The following ROR2 variants were observed in gnomAD, a reference collection of about 807,000 sequenced individuals.
ROR2 encodes the protein tyrosine-protein kinase transmembrane receptor ROR2.
A neutral mutation model predicts 74.9 loss-of-function variants in ROR2; 33 were observed. The observed-to-expected ratio is 0.44, with a 90% CI of 0.33 to 0.59. ROR2 has a LOEUF of 0.59. ROR2 is among the 20% of genes least tolerant of loss of function. ROR2 has a pLI of 0.02. For synonymous variants in ROR2, 586 were observed against 558.7 expected, an observed-to-expected ratio of 1.05 and a Z score of -0.69; for missense variants, 1,216 against 1,313.8, an observed-to-expected ratio of 0.93 and a Z score of 1.15.
intron 1 of ROR2, among the ~76,000 whole-genome samples, chr9:91,888,466 A>G (rs773893569): frequency 6.6e-6 from 1 of 152,130 alleles, no homozygotes; most frequent in Non-Finnish European, 1.5e-5. Flanking sequence ...TGCAAGACTC[A>G]ATGAAGACAC....
intron 1 of ROR2, among the ~76,000 whole-genome samples, chr9:91,853,111 G>A (rs764225261): frequency 4.6e-5 from 7 of 152,226 alleles, no homozygotes; most frequent in Non-Finnish European, 7.3e-5. Flanking sequence ...ACTGGCTGGG[G>A]ACTGGGGCTG....
chr9:91,837,251 T>G (rs1456826856), intron 1 of ROR2, among the ~76,000 whole-genome samples: 1 of 152,196 alleles, frequency 6.6e-6, no homozygotes, highest in East Asian at 1.9e-4. Flanking sequence ...TTTTTGTATT[T>G]TTAGTACAGA....
At chr9:91,864,962 T>C (rs1193449327) in intron 1 of ROR2, among the ~76,000 whole-genome samples, 2 of 152,160 alleles carry the variant, frequency 1.3e-5, no homozygotes, top group Non-Finnish European at 2.9e-5. Context: ...CTTCTTCAAG[T>C]GGCAAGTTTA....
At chr9:91,853,426 G>A (rs1012841699) in intron 1 of ROR2, among the ~76,000 whole-genome samples, 1 of 152,296 alleles carries the variant, frequency 6.6e-6, no homozygotes, top group Non-Finnish European at 1.5e-5. Flanking sequence ...AGAAGGTCCC[G>A]GGAGGTGTGG....
At chr9:91,731,596 G>T (rs961442719) in intron 6 of ROR2, among the ~76,000 whole-genome samples, 1 of 152,212 alleles carries the variant, frequency 6.6e-6, no homozygotes, top group Admixed American at 6.5e-5. Flanking sequence ...TGGGGTTGGG[G>T]TGTGCATTTG....
chr9:91,948,564 C>A, intron 1 of ROR2: 1 of 962,712 alleles, frequency 1.0e-6, no homozygotes, highest in Non-Finnish European at 1.2e-6. Flanking sequence ...TAAACTAAAA[C>A]CCCCCCCCAG....
chr9:91,945,579 T>C (rs1797540250), intron 1 of ROR2, among the ~76,000 whole-genome samples: 1 of 152,346 alleles, frequency 6.6e-6, no homozygotes, highest in African/African-American at 2.4e-5. Context: ...CCAAGCTACT[T>C]AGTCGAATTA....
chr9:91,726,133 C>T (rs4073735), intron 8 of ROR2, among the ~76,000 whole-genome samples: 79,595 of 152,014 alleles, frequency 0.52, 21,938 homozygotes, highest in African/African-American at 0.7. Flanking sequence ...GAGCTATTCT[C>T]CTATCCTTCC....
chr9:91,916,355 G>A (rs1831134792), intron 1 of ROR2, among the ~76,000 whole-genome samples: 1 of 152,148 alleles, frequency 6.6e-6, no homozygotes. Flanking sequence ...CTTTATATTG[G>A]TTAATTCTTT....
intron 1 of ROR2, among the ~76,000 whole-genome samples, chr9:91,795,125 A>C (rs950743344): frequency 3.9e-5 from 6 of 152,302 alleles, no homozygotes; most frequent in Non-Finnish European, 7.4e-5. Flanking sequence ...CTCAATAGAA[A>C]AAAAAAAAAG....
intron 4 of ROR2, among the ~76,000 whole-genome samples, chr9:91,750,536 G>A (rs753855366): frequency 6.6e-5 from 10 of 152,194 alleles, no homozygotes; most frequent in East Asian, 1.9e-4. Context: ...GCACTTCAGC[G>A]CCACGCCTGG....
chr9:91,826,393 A>C (rs1828291113), intron 1 of ROR2, among the ~76,000 whole-genome samples: 1 of 152,184 alleles, frequency 6.6e-6, no homozygotes. Context: ...TGTTCCTTAA[A>C]AAACAACAAC....
chr9:91,812,369 C>T lies in ROR2; in HGVS notation c.98-36551G>A, dbSNP rs144702824. ...TTTTCCCAAGTAGGTAATCTTAAAA[C>T]AAATACATCCTCAGGCTCCTGCGCG... On this transcript the variant is annotated intron_variant, in intron 1 of 8. Transcript: ENST00000375708. Among the ~76,000 whole-genome samples, 288 of 152,016 alleles carry T rather than the reference C, an allele frequency of 1.9e-3. 3 individuals are homozygous for T. The highest frequency in any genetic ancestry group is 6.2e-3 in the African/African-American group (258 of 41,460).
At chr9:91,883,489 A>T (rs1239834457) in intron 1 of ROR2, 1 of 152,228 alleles carries the variant, frequency 6.6e-6, no homozygotes, top group Non-Finnish European at 1.5e-5. Flanking sequence ...TTACATTTAA[A>T]TTAATTAAAA....
chr9:91,810,011 G>C (rs767850330), intron 1 of ROR2, among the ~76,000 whole-genome samples: 10 of 152,224 alleles, frequency 6.6e-5, no homozygotes, highest in Non-Finnish European at 1.2e-4. Context: ...CCCCACACAG[G>C]CTGCTCAGCG....
chr9:91,760,633 C>CA (rs11405498), intron 2 of ROR2, among the ~76,000 whole-genome samples: 9,335 of 80,620 alleles, frequency 0.12, 512 homozygotes, highest in East Asian at 0.39. Flanking sequence ...GACTCTGTCT[C>CA]AAAAAAAAAA....
intron 1 of ROR2, among the ~76,000 whole-genome samples, chr9:91,838,027 A>G (rs1348004766): frequency 6.6e-6 from 1 of 152,114 alleles, no homozygotes; most frequent in Non-Finnish European, 1.5e-5. Flanking sequence ...AACTAGTTTC[A>G]TTTTTGCATG....
chr9:91,898,643 T>C (rs1830596337), intron 1 of ROR2, among the ~76,000 whole-genome samples: 1 of 152,020 alleles, frequency 6.6e-6, no homozygotes, highest in Admixed American at 6.5e-5. Flanking sequence ...AATGAGGAAA[T>C]GCTAGCAAGG....
chr9:91,950,002 G>A lies in ROR2; in HGVS notation c.-39C>T. 1.7e-6 allele frequency: 2 copies of A among 1,150,842 alleles called. No individual in the cohort carries two copies. The highest frequency in any genetic ancestry group is 1.1e-6 in the Non-Finnish European group (1 of 876,450). 71.3% of individuals were successfully genotyped at this position (1,150,842 alleles called of 1,614,324 possible). A position where few individuals can be genotyped will look rare whatever the true frequency, so the allele number is the denominator to read the frequency against. On this transcript the variant is annotated 5_prime_UTR_variant, in exon 1 of 9. Transcript: ENST00000375708. ...GGGGCCGGGAAGCCCTCAGAGCTTC[G>A]GGCCGGGGCGCGGGGTCGGGCGCCA...
Sources: gnomAD v4.1 joint callset for allele counts (sites outside exome capture counted in the v4.1 genomes callset) on GRCh38, gnomAD v4.1.1 for gene constraint, MANE v1.5 for transcripts, NCBI Gene and HGNC (gene_info 2026-07-23, HGNC 2026-07-21) for gene names.